FBXO38: variants seen among roughly 807,000 people sequenced by gnomAD.
The protein encoded by FBXO38 is F-box only protein 38.
In FBXO38, 53 loss-of-function variants were observed where a neutral mutation model predicts 131.9. The ratio of observed to expected loss-of-function variants is 0.40; its 90% confidence interval spans 0.32 to 0.51. The LOEUF (loss-of-function observed/expected upper bound fraction) is 0.51. Among genes scored for constraint, FBXO38 ranks in the 20% least tolerant of loss-of-function variants. The pLI is 0.53. For missense variants in FBXO38, 1,076 were observed against 1,475.6 expected, an observed-to-expected ratio of 0.73 and a Z score of 4.44; for synonymous variants, 452 against 505.6, an observed-to-expected ratio of 0.89 and a Z score of 1.42.
chr5:148,418,326 A>G (rs931800232), intron 12 of FBXO38, among the ~76,000 whole-genome samples: 1 of 152,048 alleles, frequency 6.6e-6, no homozygotes, highest in Non-Finnish European at 1.5e-5. Context: ...TTTGTCCATG[A>G]TATCTTTCTC....
intron 15 of FBXO38, chr5:148,430,657 T>G (rs1337289429): frequency 6.6e-6 from 1 of 152,144 alleles, no homozygotes; most frequent in Non-Finnish European, 1.5e-5. Flanking sequence ...CGGCATGTTT[T>G]TTAAAGAGAA....
At chr5:148,414,357 C>A in intron 10 of FBXO38, 51 bp downstream of exon 10, 1 of 1,382,016 alleles carries the variant, frequency 7.2e-7, no homozygotes, top group Non-Finnish European at 9.8e-7. Flanking sequence ...TGAAATAATA[C>A]AACTTTCCAT....
intron 3 of FBXO38, chr5:148,399,549 A>G (rs1752020642): frequency 6.3e-6 from 1 of 157,590 alleles, no homozygotes. Context: ...AATACTTGCC[A>G]TTTTTGTAGA....
At chr5:148,406,953 A>G (rs1561523577) in intron 7 of FBXO38, among the ~76,000 whole-genome samples, 1 of 152,202 alleles carries the variant, frequency 6.6e-6, no homozygotes, top group Non-Finnish European at 1.5e-5. Flanking sequence ...ATCTCATTGC[A>G]GAAAAAAAAT....
Position 148,438,428 on chromosome 5 carries a change from A to G in FBXO38, c.2954A>G (p.Gln985Arg), listed in dbSNP as rs771450643. 1.9e-6 allele frequency: 3 copies of G among 1,613,842 alleles called. No individual in the cohort carries two copies. The highest frequency in any genetic ancestry group is 4.5e-5 in the East Asian group (2 of 44,894). ...YAQCKKLNMD[Q>R]VLDQILRMPP... ...CAGTGCAAGAAACTGAACATGGATC[A>G]GGTACTAGACCAGATACTAAGAATG... Residue 985 changes from glutamine to arginine, a missense_variant, in exon 18 of 22, where the codon CAG becomes CGG. Gln to Arg is a conservative substitution (Grantham distance 43). Transcript: ENST00000340253.
chr5:148,426,142 C>T (rs1250795721), intron 14 of FBXO38, among the ~76,000 whole-genome samples: 1 of 152,168 alleles, frequency 6.6e-6, no homozygotes, highest in African/African-American at 2.4e-5. Flanking sequence ...TAATCCCTCA[C>T]ATCCCTTTAA....
intron 17 of FBXO38, chr5:148,434,708 A>C (rs752178907): frequency 6.6e-6 from 1 of 152,252 alleles, no homozygotes; most frequent in Non-Finnish European, 1.5e-5. Flanking sequence ...TTTATTTTCC[A>C]GCACATATAA....
rs1183982943 is a variant in FBXO38 at position 148,406,313 on chromosome 5, A to G, written c.787A>G (p.Asn263Asp). Residue 263 changes from asparagine (N) to aspartate (D), a missense_variant, in exon 7 of 22, where the codon AAC becomes GAC. Coordinates refer to ENST00000340253, the MANE Select transcript of FBXO38 (RefSeq NM_205836.3). ...PLVTGLASAR[N>D]LEHLEMVRVP... ...AGTAACAGGCTTAGCCTCTGCCCGA[A>G]ACTTGGAACACTTAGAAATGGTTCG... 3.7e-6 allele frequency: 6 copies of G among 1,610,752 alleles called. No individual in the cohort carries two copies. In the East Asian group the frequency reaches 1.1e-4, roughly 30 times the overall value.
chr5:148,411,973 C>A (rs1252068578), intron 9 of FBXO38, among the ~76,000 whole-genome samples: 3 of 152,096 alleles, frequency 2.0e-5, no homozygotes, highest in African/African-American at 7.2e-5. Context: ...CAGAACTTGA[C>A]AAATTGTGTA....
Position 148,439,712 on chromosome 5 carries a change from C to T in FBXO38, c.3090C>T (p.Ile1030=). 6.2e-7 allele frequency: 1 copy of T among 1,612,098 alleles called. No individual in the cohort carries two copies. Among genetic ancestry groups the T allele is most frequent in the Non-Finnish European group, 8.5e-7 (1 of 1,179,818 alleles). The change falls in exon 19 of 22, where the codon ATC becomes ATT. Residue 1030 remains isoleucine (I), a synonymous_variant. Coordinates refer to ENST00000340253, the MANE Select transcript of FBXO38 (RefSeq NM_205836.3). The part of the protein sequence containing the change: ...SGPYPYHICI[I]HEFSNPPNVR... ...CCTACCCCTATCACATCTGTATTAT[C>T]CATGAATTCAGTAACCCTCCCAATG...
At chr5:148,415,803 A>T (rs991371765) in intron 10 of FBXO38, 125 bp from the exon 11 acceptor site, 1 of 965,810 alleles carries the variant, frequency 1.0e-6, no homozygotes, top group South Asian at 1.6e-5. Flanking sequence ...TTTAGAAGTC[A>T]TGAAAAAAAG....
intron 4 of FBXO38, 98 bp downstream of exon 4, chr5:148,402,243 C>T: frequency 6.5e-7 from 1 of 1,542,350 alleles, no homozygotes; most frequent in Non-Finnish European, 8.8e-7. Flanking sequence ...TCTCATCTGT[C>T]ACAAACTTTT....
In FBXO38 at chr5:148,402,034, A is replaced by G. The variant is rs1752187228; in HGVS notation, c.315A>G (p.Glu105=). 6.2e-7 allele frequency: 1 copy of G among 1,613,124 alleles called. No individual in the cohort carries two copies. Among genetic ancestry groups the G allele is most frequent in the African/African-American group, 1.3e-5 (1 of 74,866 alleles). ...LTLLKKMPDV[E]QLYGLHPRYL... Reference sequence around the variant, plus strand: ...TATTAAAGAAGATGCCAGATGTTGAACAGCTATATGGCCTTCACCCTCGAT... The same window carrying G: ...TATTAAAGAAGATGCCAGATGTTGAGCAGCTATATGGCCTTCACCCTCGAT... The change falls in exon 4 of 22, where the codon GAA becomes GAG. Residue 105 remains glutamate, a synonymous_variant. Transcript: ENST00000340253.
intron 3 of FBXO38, chr5:148,399,408 G>C: frequency 2.5e-6 from 1 of 392,436 alleles, no homozygotes; most frequent in Non-Finnish European, 4.7e-6. Flanking sequence ...TGAGCCTTTG[G>C]TTAATTGAGT....
rs371855987 is a variant in FBXO38, at chr5:148,439,631, A to G, written c.3025-16A>G. ...TTCTCTTTGTTGAAGACATCTCTTT[A>G]TGATGTCTTCCACAGGTGGACACTC... On this transcript the variant is annotated splice_polypyrimidine_tract_variant and intron_variant, in intron 18 of 21. Coordinates refer to ENST00000340253, the MANE Select transcript of FBXO38 (RefSeq NM_205836.3). 8.1e-6 allele frequency: 13 copies of G among 1,610,982 alleles called. No individual in the cohort carries two copies. The highest frequency in any genetic ancestry group is 1.1e-5 in the South Asian group (1 of 90,768).
intron 17 of FBXO38, 119 bp from the exon 18 acceptor site, chr5:148,438,211 CTA>C: frequency 3.6e-6 from 3 of 838,668 alleles, no homozygotes; most frequent in Non-Finnish European, 5.4e-6. Flanking sequence ...GATTTGTACT[CTA>C]TGATATTATT....
chr5:148,436,709 A>G (rs1754364895), intron 17 of FBXO38, among the ~76,000 whole-genome samples: 1 of 152,182 alleles, frequency 6.6e-6, no homozygotes, highest in Admixed American at 6.5e-5. Context: ...GGAGAGATGA[A>G]ACTGAGATTC....
intron 15 of FBXO38, among the ~76,000 whole-genome samples, chr5:148,432,906 C>T (rs576345345): frequency 1.3e-5 from 2 of 152,182 alleles, no homozygotes; most frequent in African/African-American, 4.8e-5. Flanking sequence ...ATAGATGGGT[C>T]GTATTTCAAA....
At chr5:148,419,662 G>A (rs181272167) in intron 12 of FBXO38, among the ~76,000 whole-genome samples, 79 of 152,266 alleles carry the variant, frequency 5.2e-4, no homozygotes, top group Non-Finnish European at 7.9e-4. Context: ...GATGGCTTGA[G>A]TGGGGAGTTT....
Sources: allele counts gnomAD v4.1 joint callset (sites outside exome capture counted in the v4.1 genomes callset), GRCh38; gene constraint gnomAD v4.1.1; transcripts MANE v1.5; gene names NCBI Gene and HGNC (gene_info 2026-07-23, HGNC 2026-07-21).